The following IPO8 variants were observed in gnomAD, a reference collection of about 807,000 sequenced individuals.
IPO8 encodes importin-8.
In IPO8, 65 loss-of-function variants were observed where a neutral mutation model predicts 141.2. The observed-to-expected ratio is 0.46, with a 90% confidence interval of 0.38 to 0.57. IPO8 has a LOEUF of 0.57. IPO8 is among the 20% of genes least tolerant of loss of function. IPO8 has a pLI of 0.00. For synonymous variants in IPO8, 411 were observed against 420.3 expected (o/e 0.98, Z 0.27); for missense variants, 980 against 1,246.8 (o/e 0.79, Z 3.22).
intron 5 of IPO8, among the ~76,000 whole-genome samples, chr12:30,677,964 G>A (rs559572345): frequency 8.6e-5 from 13 of 151,574 alleles, no homozygotes; most frequent in East Asian, 7.8e-4. Flanking sequence ...GTGAAACCCC[G>A]TCTCTACTAA....
chr12:30,641,272 C>G (rs1196983440), intron 20 of IPO8, among the ~76,000 whole-genome samples: 3 of 152,022 alleles, frequency 2.0e-5, no homozygotes, highest in Non-Finnish European at 2.9e-5. Context: ...TAGTATGCTA[C>G]CGTTTACCTA....
intron 16 of IPO8, among the ~76,000 whole-genome samples, chr12:30,657,169 G>A (rs2052811548): frequency 6.6e-6 from 1 of 151,748 alleles, no homozygotes; most frequent in African/African-American, 2.4e-5. Context: ...GCATGGGGAA[G>A]TAAAAAAAAA....
Position 30,695,542 on chromosome 12 carries a change from T to A in IPO8, c.84+22A>T. The A allele has an allele frequency of 1.2e-6, 2 of 1,604,470 alleles. No individual in the cohort carries two copies. Among genetic ancestry groups the A allele is most frequent in the Non-Finnish European group, 1.7e-6 (2 of 1,173,044 alleles). On this transcript the variant is annotated intron_variant, in intron 1 of 24. Transcript: ENST00000256079. The surrounding 1 kb of genome is among the most constrained non-coding windows in gnomAD (Gnocchi z 4.2). ...GGGGCGCCCCTTCGGCGGAAGAGGG[T>A]CGCCGAAGACCCTCTCCTCACCTGG...
chr12:30,668,078 AG>A (rs1349125595), intron 10 of IPO8, among the ~76,000 whole-genome samples: 1 of 151,830 alleles, frequency 6.6e-6, no homozygotes, highest in Non-Finnish European at 1.5e-5. Context: ...AGAGAGAGAG[AG>A]AAGAATGGTT....
chr12:30,689,738 T>A (rs1300876208), intron 2 of IPO8, among the ~76,000 whole-genome samples: 2 of 152,240 alleles, frequency 1.3e-5, no homozygotes, highest in Non-Finnish European at 2.9e-5. Context: ...ATGATGGCCA[T>A]TTCTGAGTGA....
intron 1 of IPO8, among the ~76,000 whole-genome samples, chr12:30,691,596 T>C (rs2053291671): frequency 6.6e-6 from 1 of 152,210 alleles, no homozygotes; most frequent in South Asian, 2.1e-4. Context: ...CTTTGTCCAC[T>C]GACATTCATT....
intron 8 of IPO8, among the ~76,000 whole-genome samples, chr12:30,672,793 G>T (rs1355358452): frequency 6.6e-6 from 1 of 152,118 alleles, no homozygotes; most frequent in Admixed American, 6.6e-5. Context: ...AAAATAACTT[G>T]TGAGAAATTC....
At chr12:30,676,893 T>G in intron 5 of IPO8, 1 of 1,501,554 alleles carries the variant, frequency 6.7e-7, no homozygotes, top group Non-Finnish European at 9.0e-7. Flanking sequence ...TTTTATGACT[T>G]ACCCCTTTGA....
intron 5 of IPO8, chr12:30,677,197 AC>A: frequency 1.5e-6 from 1 of 687,846 alleles, no homozygotes; most frequent in Non-Finnish European, 2.4e-6. Flanking sequence ...AAAGTCATGC[AC>A]CACATAACAA....
chr12:30,631,619 T>C (rs921856612), intron 24 of IPO8: 8 of 269,756 alleles, frequency 3.0e-5, no homozygotes, highest in Admixed American at 2.4e-4. Flanking sequence ...GCAAGACTTA[T>C]CCCAACCCTT....
intron 16 of IPO8, among the ~76,000 whole-genome samples, chr12:30,657,808 T>C (rs1398527576): frequency 2.6e-5 from 4 of 152,246 alleles, no homozygotes; most frequent in African/African-American, 7.2e-5. Context: ...AAACTGTGTA[T>C]AGCATGCTAT....
At chr12:30,676,891 C>CT (rs970524413) in intron 5 of IPO8, 10 of 1,497,608 alleles carry the variant, frequency 6.7e-6, no homozygotes, top group Admixed American at 3.9e-5. Context: ...ATTTTTATGA[C>CT]TTACCCCTTT....
rs149119815 is a variant in IPO8 at position 30,633,975 on chromosome 12, A to T, written c.2899+108T>A. ...TCTATCATAAGGAATAAACAAAAAA[A>T]TTTTTAAAAGAACCTAGACCAATCT... On this transcript the variant is annotated intron_variant, in intron 23 of 24. Transcript: ENST00000256079. The T allele has an allele frequency of 2.4e-3, 2,282 of 956,050 alleles. 44 individuals carry two copies. In the African/African-American group the frequency reaches 0.032, roughly 14 times the overall value. The allele number at this position is 956,050 out of a possible 1,614,324, so 59.2% of individuals were successfully genotyped here.
chr12:30,674,025 A>G lies in IPO8; in HGVS notation c.874T>C (p.Phe292Leu). The G allele has an allele frequency of 1.3e-6, 2 of 1,592,342 alleles. No individual in the cohort carries two copies. Among genetic ancestry groups the G allele is most frequent in the Non-Finnish European group, 8.6e-7 (1 of 1,164,288 alleles). Residue 292 changes from phenylalanine (F) to leucine (L), a missense_variant, in exon 8 of 25, where the codon TTC (phenylalanine) becomes CTC (leucine). Phe to Leu is a conservative substitution (Grantham distance 22). Coordinates refer to ENST00000256079, the MANE Select transcript of IPO8 (RefSeq NM_006390.4). ...VTKEYFEFSE[F>L]FLKTYAVGIQ... Reference sequence around the variant, plus strand: ...CCCACTGCATAGGTTTTCAAAAAGAATTCAGAAAATTCAAAGTATTCTTTT... The same window carrying G: ...CCCACTGCATAGGTTTTCAAAAAGAGTTCAGAAAATTCAAAGTATTCTTTT...
Position 30,674,648 on chromosome 12 carries a change from C to G in IPO8, c.824+11G>C. 6.4e-7 allele frequency: 1 copy of G among 1,572,576 alleles called. No homozygotes were observed. Among genetic ancestry groups the G allele is most frequent in the Non-Finnish European group, 8.8e-7 (1 of 1,142,450 alleles). ...GCTGTATGATCATCAATGTAATAAA[C>G]AGATAATTACCGTTCAAAGAGCCGA... On this transcript the variant is annotated intron_variant, in intron 7 of 24. Transcript: ENST00000256079.
At chr12:30,646,306 C>G (rs1056361762) in intron 20 of IPO8, among the ~76,000 whole-genome samples, 2 of 152,066 alleles carry the variant, frequency 1.3e-5, no homozygotes, top group Non-Finnish European at 2.9e-5. Flanking sequence ...AATTCAACAC[C>G]CTTTCATGAT....
At chr12:30,649,086 G>A (rs746295595) in intron 20 of IPO8, 51 bp downstream of exon 20, 3 of 1,191,830 alleles carry the variant, frequency 2.5e-6, no homozygotes, top group South Asian at 2.5e-5. Context: ...AAGCAGGCAT[G>A]TAAACTTCAA....
At chr12:30,680,166 C>G (rs2053173842) in intron 5 of IPO8, among the ~76,000 whole-genome samples, 1 of 151,156 alleles carries the variant, frequency 6.6e-6, no homozygotes, top group Admixed American at 6.6e-5. Context: ...GTAATCATAA[C>G]TAATCTATAG....
At chr12:30,685,719 G>A (rs542803959) in intron 2 of IPO8, among the ~76,000 whole-genome samples, 7 of 151,330 alleles carry the variant, frequency 4.6e-5, no homozygotes, top group Non-Finnish European at 7.4e-5. Flanking sequence ...GAGGTCAGGA[G>A]TTCGAGACCA....
Sources: gnomAD v4.1 joint callset for allele counts (sites outside exome capture counted in the v4.1 genomes callset) on GRCh38, gnomAD v4.1.1 for gene constraint, Gnocchi (gnomAD v3.1) non-coding constraint, MANE v1.5 for transcripts, NCBI Gene and HGNC (gene_info 2026-07-23, HGNC 2026-07-21) for gene names.